CNTN6: variants seen among roughly 807,000 people sequenced by gnomAD.
CNTN6 encodes contactin 6, also known as contactin-6.
Under a neutral mutation model 122.8 loss-of-function variants are expected in CNTN6, and 137 were observed. The ratio of observed to expected loss-of-function variants is 1.12; its 90% CI spans 0.97 to 1.29. The LOEUF is 1.29. Among genes scored for constraint, CNTN6 ranks in the 50% most tolerant of loss-of-function variants. The pLI is 0.00. For synonymous variants in CNTN6, 570 were observed against 426.0 expected (o/e 1.34, Z -4.16); for missense variants, 1,634 against 1,223.4 (o/e 1.34, Z -5.01).
At chr3:1,223,808 A>T (rs1359238783) in intron 3 of CNTN6, among the ~76,000 whole-genome samples, 1 of 152,192 alleles carries the variant, frequency 6.6e-6, no homozygotes, top group Non-Finnish European at 1.5e-5. Flanking sequence ...TTAAGTCTAG[A>T]GAAGCTCTAG....
At chr3:1,198,733 AAAAG>A (rs1296582137) in intron 2 of CNTN6, among the ~76,000 whole-genome samples, 18 of 151,942 alleles carry the variant, frequency 1.2e-4, no homozygotes, top group Non-Finnish European at 2.5e-4. Context: ...ACAAAAAAAA[AAAAG>A]AAAGAAAGAA....
At chr3:1,291,501 A>G (rs1020075513) in intron 5 of CNTN6, among the ~76,000 whole-genome samples, 1 of 152,174 alleles carries the variant, frequency 6.6e-6, no homozygotes, top group African/African-American at 2.4e-5. Flanking sequence ...TGGATTTCAG[A>G]GAGCTAAAGC....
rs116816448 is a variant in CNTN6, at chr3:1,184,464, G to C, written c.56-36223G>C. Among the ~76,000 whole-genome samples, 622 of 152,228 alleles carry C rather than the reference G, an allele frequency of 4.1e-3. 7 individuals are homozygous for C. Among genetic ancestry groups the C allele is most frequent in the African/African-American group, 0.014 (585 of 41,548 alleles). Reference sequence around the variant, plus strand: ...CCAAGCATTCTAATGATGTTTCATTGAGAAGACTGTTCTTTGAGATTAGTA... The same window carrying C: ...CCAAGCATTCTAATGATGTTTCATTCAGAAGACTGTTCTTTGAGATTAGTA... On this transcript the variant is annotated intron_variant, in intron 2 of 22. Transcript: ENST00000446702.
intron 4 of CNTN6, among the ~76,000 whole-genome samples, chr3:1,261,301 A>G (rs1297761687): frequency 2.0e-5 from 3 of 152,202 alleles, no homozygotes; most frequent in African/African-American, 4.8e-5. Context: ...GTGAAGGAGT[A>G]GGTAAATAGA....
chr3:1,105,672 T>G (rs1031981965), intron 1 of CNTN6, among the ~76,000 whole-genome samples: 7 of 152,120 alleles, frequency 4.6e-5, no homozygotes, highest in African/African-American at 1.7e-4. Context: ...TAAAGATAAA[T>G]CAGTGTTTGT....
intron 7 of CNTN6, among the ~76,000 whole-genome samples, chr3:1,300,578 AAAG>A (rs762678790): frequency 0.014 from 524 of 36,474 alleles, 10 homozygotes; most frequent in Non-Finnish European, 0.02. Context: ...AGAAAGAAAG[AAAG>A]AAAGAAAGAA....
Position 1,103,086 on chromosome 3 carries a change from A to G in CNTN6, c.-83+9966A>G, listed in dbSNP as rs558269645. 4.0e-3 allele frequency among the ~76,000 whole-genome samples: 610 copies of G among 152,282 alleles called. 2 individuals carry two copies. Among genetic ancestry groups the G allele is most frequent in the Non-Finnish European group, 6.4e-3 (434 of 68,008 alleles). On this transcript the variant is annotated intron_variant, in intron 1 of 22. Coordinates refer to ENST00000446702, the MANE Select transcript of CNTN6 (RefSeq NM_001289080.2). ...GCGCCACCGCACTCCAGCCTGGGCG[A>G]CAGAGCCAGACTCCGTCTCAAAAAA...
At chr3:1,286,303 C>T (rs551088026) in intron 5 of CNTN6, among the ~76,000 whole-genome samples, 8 of 152,234 alleles carry the variant, frequency 5.3e-5, no homozygotes, top group Admixed American at 2.6e-4. Flanking sequence ...ACCCATCAAC[C>T]GGCCATCTAC....
intron 17 of CNTN6, among the ~76,000 whole-genome samples, chr3:1,381,726 T>G (rs1691921594): frequency 6.6e-6 from 1 of 152,202 alleles, no homozygotes; most frequent in Non-Finnish European, 1.5e-5. Context: ...GCATCTGTTT[T>G]CTCTTAGCTT....
chr3:1,225,576 C>T (rs1053027341), intron 3 of CNTN6, among the ~76,000 whole-genome samples: 12 of 151,950 alleles, frequency 7.9e-5, no homozygotes, highest in African/African-American at 1.7e-4. Flanking sequence ...GCTTTGAAAA[C>T]GATAGGGAAC....
At chr3:1,220,872 ACACAAAATAAAGTGTTT>A in intron 3 of CNTN6, 59 bp downstream of exon 3, 2 of 1,508,966 alleles carry the variant, frequency 1.3e-6, no homozygotes. Flanking sequence ...ACCAAAACAT[ACACAAAATAAAGTGTTT>A]TATAAAATGT....
intron 4 of CNTN6, among the ~76,000 whole-genome samples, chr3:1,255,936 A>G (rs1277427427): frequency 6.6e-6 from 1 of 152,018 alleles, no homozygotes; most frequent in Non-Finnish European, 1.5e-5. Flanking sequence ...GGAGAGATCA[A>G]GACTAACCAC....
intron 5 of CNTN6, among the ~76,000 whole-genome samples, chr3:1,292,835 A>T (rs1695550199): frequency 6.6e-6 from 1 of 152,056 alleles, no homozygotes; most frequent in Admixed American, 6.6e-5. Flanking sequence ...ATTTCCCTCC[A>T]CTCACTCTGA....
At chr3:1,303,408 T>C (rs1697773991) in intron 7 of CNTN6, among the ~76,000 whole-genome samples, 1 of 152,194 alleles carries the variant, frequency 6.6e-6, no homozygotes, top group Non-Finnish European at 1.5e-5. Flanking sequence ...TGAGGTTTTA[T>C]GTTTTTCTAG....
rs376388166 is a variant in CNTN6, at chr3:1,388,140, G to A, written c.2704+2343G>A. Reference sequence around the variant, plus strand: ...AGACAAACAAAAAGACAGCAGTAACGTCTGCAGAGTTAAATGTCCCTGTCT... The same window carrying A: ...AGACAAACAAAAAGACAGCAGTAACATCTGCAGAGTTAAATGTCCCTGTCT... On this transcript the variant is annotated intron_variant, in intron 20 of 22. Coordinates refer to ENST00000446702, the MANE Select transcript of CNTN6 (RefSeq NM_001289080.2). 5.6e-3 allele frequency among the ~76,000 whole-genome samples: 853 copies of A among 151,612 alleles called. 13 individuals are homozygous for A. Among genetic ancestry groups the A allele is most frequent in the African/African-American group, 0.02 (812 of 41,132 alleles).
intron 7 of CNTN6, chr3:1,298,231 T>A (rs1273886350): frequency 2.4e-6 from 1 of 423,832 alleles, no homozygotes; most frequent in Admixed American, 4.0e-5. Context: ...GATATTTCCT[T>A]AGTTTAAGCA....
chr3:1,161,203 C>G (rs2093124388), intron 2 of CNTN6, among the ~76,000 whole-genome samples: 1 of 138,626 alleles, frequency 7.2e-6, no homozygotes, highest in South Asian at 2.2e-4. Flanking sequence ...ATTTGTATGA[C>G]AGTGAGAAAT....
chr3:1,339,640 G>A (rs577658396), intron 11 of CNTN6, among the ~76,000 whole-genome samples: 1 of 152,192 alleles, frequency 6.6e-6, no homozygotes, highest in East Asian at 1.9e-4. Context: ...GAGAAAAGTG[G>A]GAGGTACAGG....
chr3:1,181,388 G>A (rs1023299905), intron 2 of CNTN6, among the ~76,000 whole-genome samples: 3 of 152,138 alleles, frequency 2.0e-5, no homozygotes, highest in Admixed American at 6.6e-5. Flanking sequence ...GATTATGCAT[G>A]TATCATCAAA....
Sources: allele counts gnomAD v4.1 joint callset (sites outside exome capture counted in the v4.1 genomes callset), GRCh38; gene constraint gnomAD v4.1.1; transcripts MANE v1.5; gene names NCBI Gene and HGNC (gene_info 2026-07-23, HGNC 2026-07-21).